The following SLC12A2 variants were observed in gnomAD, a reference collection of about 807,000 sequenced individuals.
The protein encoded by SLC12A2 is solute carrier family 12 member 2.
A neutral mutation model predicts 136.3 loss-of-function variants in SLC12A2; 67 were observed. The ratio of observed to expected loss-of-function variants is 0.49; its 90% CI spans 0.40 to 0.60. The LOEUF is 0.60. Among genes scored for constraint, SLC12A2 ranks in the 20% least tolerant of loss-of-function variants. The pLI, the probability that SLC12A2 is intolerant of heterozygous loss-of-function variation, is 0.00. For missense variants in SLC12A2, 1,322 were observed against 1,534.7 expected (o/e 0.86, Z 2.32); for synonymous variants, 619 against 562.9 (o/e 1.10, Z -1.41).
At position 128,167,831 on chromosome 5, in the gene SLC12A2, A is replaced by G. The variant is rs1482598172; in HGVS notation, c.2687A>G (p.Asp896Gly). Residue 896 changes from aspartate (D) to glycine (G), a missense_variant, in exon 18 of 27, where the codon GAT becomes GGT. Around this residue, in one of 8 missense-constraint regions of SLC12A2, gnomAD observed 226 missense variants for 210.4 expected, o/e 1.07. Transcript: ENST00000262461. ...LGFKKDWLQA[D>G]MRDVDMYINL... ...TTTAAGAAAGATTGGTTGCAAGCAGATATGAGGGATGTGGATATGTATATA... is the reference window on the plus strand; with the variant it reads ...TTTAAGAAAGATTGGTTGCAAGCAGGTATGAGGGATGTGGATATGTATATA... 3 of 1,606,684 alleles carry G rather than the reference A, an allele frequency of 1.9e-6. No individual in the cohort carries two copies. Among genetic ancestry groups the G allele is most frequent in the Non-Finnish European group, 2.6e-6 (3 of 1,175,776 alleles).
chr5:128,142,081 G>GAGGA, intron 10 of SLC12A2, 100 bp downstream of exon 10: 1 of 979,770 alleles, frequency 1.0e-6, no homozygotes, highest in Non-Finnish European at 1.5e-6. Flanking sequence ...ACATAGAAGG[G>GAGGA]AGGACAGTTG....
chr5:128,178,721 A>G, intron 22 of SLC12A2, 32 bp downstream of exon 22: 2 of 1,485,870 alleles, frequency 1.3e-6, no homozygotes, highest in Non-Finnish European at 1.8e-6. Context: ...AAATGATTTT[A>G]AATTTACTGA....
intron 12 of SLC12A2, among the ~76,000 whole-genome samples, chr5:128,149,504 T>C (rs1439993684): frequency 6.6e-6 from 1 of 151,822 alleles, no homozygotes; most frequent in African/African-American, 2.4e-5. Context: ...ATAATGTTTC[T>C]AGTATTATTC....
chr5:128,110,469 A>C (rs1761103142), intron 1 of SLC12A2: 1 of 1,340,448 alleles, frequency 7.5e-7, no homozygotes, highest in Non-Finnish European at 1.1e-6. Context: ...AACACCCTGA[A>C]CTCATAGACG....
intron 22 of SLC12A2, among the ~76,000 whole-genome samples, chr5:128,180,191 C>T (rs1184948328): frequency 4.0e-5 from 6 of 151,640 alleles, no homozygotes; most frequent in Non-Finnish European, 7.4e-5. Context: ...AGGATGGTCT[C>T]GATCTCCTGA....
intron 1 of SLC12A2, among the ~76,000 whole-genome samples, chr5:128,109,081 T>C (rs1761045030): frequency 6.6e-6 from 1 of 152,252 alleles, no homozygotes; most frequent in South Asian, 2.1e-4. Context: ...TTTCCATGTA[T>C]TTCACATAGC....
At chr5:128,186,456 T>C in intron 26 of SLC12A2, 40 bp from the exon 27 acceptor site, 1 of 1,491,090 alleles carries the variant, frequency 6.7e-7, no homozygotes, top group Non-Finnish European at 8.8e-7. Flanking sequence ...AATGCATTGC[T>C]CAGGGTTTTT....
At chr5:128,118,834 C>G (rs1333878082) in intron 4 of SLC12A2, among the ~76,000 whole-genome samples, 1 of 152,032 alleles carries the variant, frequency 6.6e-6, no homozygotes, top group Non-Finnish European at 1.5e-5. Flanking sequence ...GCCAATATCT[C>G]CAGGAAACAT....
At chr5:128,148,133 C>T (rs879925353) in intron 11 of SLC12A2, among the ~76,000 whole-genome samples, 2 of 151,596 alleles carry the variant, frequency 1.3e-5, no homozygotes, top group Non-Finnish European at 3.0e-5. Context: ...AAACACCTAA[C>T]GTGATATACA....
chr5:128,126,966 A>ATATATATATATATTT, intron 4 of SLC12A2, among the ~76,000 whole-genome samples: 1 of 21,156 alleles, frequency 4.7e-5, no homozygotes, highest in African/African-American at 2.5e-4. Flanking sequence ...ATATATATAT[A>ATATATATATATATTT]TTTTTTTTTT....
chr5:128,165,943 T>G (rs1254018806), intron 17 of SLC12A2, among the ~76,000 whole-genome samples: 1 of 118,938 alleles, frequency 8.4e-6, no homozygotes, highest in Non-Finnish European at 1.7e-5. Flanking sequence ...CAGTTAAAAA[T>G]ATGCTGTGTG....
At chr5:128,110,302 C>T in intron 1 of SLC12A2, 1 of 839,940 alleles carries the variant, frequency 1.2e-6, no homozygotes, top group East Asian at 2.4e-5. Flanking sequence ...CTACCTACGA[C>T]TTGACTGACT....
At position 128,187,840 on chromosome 5, in the gene SLC12A2, T is replaced by A. The variant is rs1376848788; in HGVS notation, c.*1209T>A. ...TGTCTGTTTTGACATCATAGTCTAG[T>A]AAAATTTTGACAGTGCATATGTACT... is the stretch of plus-strand genomic sequence containing the variant. On this transcript the variant is annotated 3_prime_UTR_variant, in exon 27 of 27. Coordinates refer to ENST00000262461, the MANE Select transcript of SLC12A2 (RefSeq NM_001046.3). 1 of 152,622 alleles carries A rather than the reference T, an allele frequency of 6.6e-6. No homozygotes were observed. The highest frequency in any genetic ancestry group is 1.5e-5 in the Non-Finnish European group (1 of 68,018). 9.5% of individuals were successfully genotyped at this position (152,622 alleles called of 1,614,324 possible).
Position 128,083,937 on chromosome 5 carries a change from G to T in SLC12A2, c.-18G>T. On this transcript the variant is annotated 5_prime_UTR_variant, in exon 1 of 27. Coordinates refer to ENST00000262461, the MANE Select transcript of SLC12A2 (RefSeq NM_001046.3). ...GACGTCCGCCGGGCTCTGCAGTTCC[G>T]CCGGGGGTCGGGCAGCTATGGAGCC... The T allele has an allele frequency of 1.6e-6, 2 of 1,227,932 alleles. No homozygotes were observed. Among genetic ancestry groups the T allele is most frequent in the Non-Finnish European group, 2.0e-6 (2 of 984,526 alleles). The allele number at this position is 1,227,932 out of a possible 1,614,324, so 76.1% of individuals were successfully genotyped here. A position where few individuals can be genotyped will look rare whatever the true frequency, so the allele number is the denominator to read the frequency against.
At chr5:128,109,699 GA>G in intron 1 of SLC12A2, 2 of 1,154,962 alleles carry the variant, frequency 1.7e-6, no homozygotes, top group Non-Finnish European at 2.6e-6. Context: ...TCTTCCAGGT[GA>G]AAGTCCCAGC....
chr5:128,125,039 T>C (rs1476482992), intron 4 of SLC12A2, among the ~76,000 whole-genome samples: 1 of 152,200 alleles, frequency 6.6e-6, no homozygotes, highest in African/African-American at 2.4e-5. Context: ...ATATATTTCT[T>C]CTTACATCAC....
At position 128,131,049 on chromosome 5, in the gene SLC12A2, T is replaced by C. The variant is rs879170394; in HGVS notation, c.1049-18T>C. 10 of 1,610,158 alleles carry C rather than the reference T, an allele frequency of 6.2e-6. No homozygotes were observed. The South Asian group carries it at 1.1e-4, about 18-fold the overall frequency. On this transcript the variant is annotated intron_variant, in intron 4 of 26. Coordinates refer to ENST00000262461, the MANE Select transcript of SLC12A2 (RefSeq NM_001046.3). Reference sequence around the variant, plus strand: ...TAACTTTAGTACCTGTTTTTTTTGTTTGTTTGTTTGTTTTTAGGAGGAGCA... The same window carrying C: ...TAACTTTAGTACCTGTTTTTTTTGTCTGTTTGTTTGTTTTTAGGAGGAGCA...
At chr5:128,102,596 C>CCTTTTTTTTTTTTTTTTTT (rs1561657602) in intron 1 of SLC12A2, among the ~76,000 whole-genome samples, 1 of 40,464 alleles carries the variant, frequency 2.5e-5, no homozygotes, top group Non-Finnish European at 4.9e-5. Context: ...CCCCCCCCGC[C>CCTTTTTTTTTTTTTTTTTT]TTTTTTTTTT....
chr5:128,184,630 T>C, intron 25 of SLC12A2, 129 bp downstream of exon 25: 1 of 1,341,534 alleles, frequency 7.5e-7, no homozygotes, highest in Non-Finnish European at 1.0e-6. Context: ...TTATTTGAGG[T>C]TAGTGGAAAG....
Sources: gnomAD v4.1 joint callset for allele counts (sites outside exome capture counted in the v4.1 genomes callset) on GRCh38, gnomAD v4.1.1 for gene constraint, gnomAD v4.1.1 regional missense constraint, MANE v1.5 for transcripts, NCBI Gene and HGNC (gene_info 2026-07-23, HGNC 2026-07-21) for gene names.